SMS: variants seen among roughly 807,000 people sequenced by gnomAD.
SMS encodes spermine synthase.
SMS carries 3 observed loss-of-function variants against 33.0 expected under a neutral mutation model. That is an observed-to-expected ratio of 0.09 (90% confidence interval 0.04 to 0.23). SMS has a LOEUF of 0.23. Among genes scored for constraint, SMS ranks in the 10% least tolerant of loss-of-function variants. SMS has a pLI of 1.00. For missense variants in SMS, 117 were observed against 288.6 expected, an observed-to-expected ratio of 0.41 and a Z score of 4.31; for synonymous variants, 103 against 112.2, an observed-to-expected ratio of 0.92 and a Z score of 0.52.
At chrX:21,975,400 A>G (rs1285731023) in intron 4 of SMS, among the ~76,000 whole-genome samples, 5 of 112,118 alleles carry the variant, frequency 4.5e-5, no homozygotes, top group African/African-American at 1.6e-4. Flanking sequence ...CACAATTGAG[A>G]ACAGGCACTG....
chrX:21,989,248 C>T (rs1925594528), intron 9 of SMS, among the ~76,000 whole-genome samples: 1 of 110,811 alleles, frequency 9.0e-6, no homozygotes, highest in Non-Finnish European at 1.9e-5. Flanking sequence ...ACAGCCTGGG[C>T]AACATAGTGA....
chrX:21,990,568 T>G (rs1925688719), intron 9 of SMS, among the ~76,000 whole-genome samples: 1 of 112,875 alleles, frequency 8.9e-6, no homozygotes, highest in Non-Finnish European at 1.9e-5. Context: ...GTTACTTTTT[T>G]GGGGTAGGTG....
intron 1 of SMS, among the ~76,000 whole-genome samples, chrX:21,964,062 AT>A (rs372817561): frequency 0.13 from 12,121 of 94,798 alleles, 595 homozygotes; most frequent in Non-Finnish European, 0.15. Context: ...TTGAAATCAG[AT>A]TTTTTTTTTT....
At chrX:21,982,231 G>A (rs1179346325) in intron 7 of SMS, among the ~76,000 whole-genome samples, 2 of 107,506 alleles carry the variant, frequency 1.9e-5, no homozygotes, top group African/African-American at 3.4e-5. Context: ...TCAGCTACTC[G>A]GGAGGCTGAG....
intron 1 of SMS, among the ~76,000 whole-genome samples, chrX:21,965,246 G>A (rs776023545): frequency 8.9e-6 from 1 of 112,084 alleles, no homozygotes; most frequent in Non-Finnish European, 1.9e-5. Context: ...AGATTAAGAT[G>A]TGGATATATC....
chrX:21,944,544 A>AAAAAAAAAAAAAAGAAAAGAAAAG (rs1555992699), intron 1 of SMS, among the ~76,000 whole-genome samples: 3 of 99,054 alleles, frequency 3.0e-5, no homozygotes, highest in Admixed American at 2.7e-4. Context: ...AAAAAAAAAA[A>AAAAAAAAAAAAAAGAAAAGAAAAG]AGAAAAAAAA....
intron 1 of SMS, 37 bp downstream of exon 1, chrX:21,940,910 G>A (rs1265571383): frequency 2.4e-5 from 23 of 968,884 alleles, no homozygotes; most frequent in Non-Finnish European, 3.1e-5. Context: ...GGCCATCCCC[G>A]CCGCTCCCGC....
intron 1 of SMS, among the ~76,000 whole-genome samples, chrX:21,941,911 A>C (rs1309650372): frequency 1.1e-5 from 1 of 93,390 alleles, no homozygotes; most frequent in East Asian, 3.7e-4. Flanking sequence ...AAAAAAAAAA[A>C]AAAAAAAAAA....
rs1921746616 is a variant in SMS at position 21,941,263 on chromosome X, G to T, written c.49+390G>T. 2.6e-5 allele frequency: 4 copies of T among 155,324 alleles called. No homozygotes were observed. The South Asian group carries it at 3.4e-4, about 13-fold the overall frequency. 12.8% of individuals were successfully genotyped at this position (155,324 alleles called of 1,213,427 possible). A position where few individuals can be genotyped will look rare whatever the true frequency, so the allele number is the denominator to read the frequency against. On this transcript the variant is annotated intron_variant, in intron 1 of 10. Coordinates refer to ENST00000404933, the MANE Select transcript of SMS (RefSeq NM_004595.5). ...GCGGACCCCCCATGGGACGAGGGTT[G>T]CAGGGACTGCGGCGGAGCGAGGCGT...
chrX:21,980,772 G>A (rs893670428), intron 7 of SMS, among the ~76,000 whole-genome samples: 10 of 111,041 alleles, frequency 9.0e-5, no homozygotes, highest in African/African-American at 2.6e-4. Flanking sequence ...GGAAACTTAC[G>A]TAGGAAATTA....
At chrX:21,976,179 G>C (rs184948959) in intron 4 of SMS, among the ~76,000 whole-genome samples, 1 of 111,227 alleles carries the variant, frequency 9.0e-6, no homozygotes, top group African/African-American at 3.3e-5. Flanking sequence ...TGCAGCCTCT[G>C]TAGTAGTAAC....
At chrX:21,977,649 A>T (rs1924621147) in intron 5 of SMS, among the ~76,000 whole-genome samples, 1 of 111,584 alleles carries the variant, frequency 9.0e-6, no homozygotes, top group African/African-American at 3.3e-5. Flanking sequence ...TATTATTTTG[A>T]AGCAGCTCAC....
At chrX:21,963,527 T>A (rs1923500011) in intron 1 of SMS, among the ~76,000 whole-genome samples, 1 of 112,515 alleles carries the variant, frequency 8.9e-6, no homozygotes, top group Admixed American at 9.4e-5. Context: ...TTTCCTTCAG[T>A]TTGAAACCTG....
intron 1 of SMS, among the ~76,000 whole-genome samples, chrX:21,958,325 C>T (rs1313784508): frequency 8.9e-6 from 1 of 112,174 alleles, no homozygotes; most frequent in African/African-American, 3.2e-5. Context: ...CAGTTTCTTT[C>T]TTCTACGTGT....
At chrX:21,953,514 G>GA (rs1466162993) in intron 1 of SMS, among the ~76,000 whole-genome samples, 1 of 112,422 alleles carries the variant, frequency 8.9e-6, no homozygotes, top group Non-Finnish European at 1.9e-5. Context: ...ACTAGCCACA[G>GA]AAAAACAAGC....
At chrX:21,974,011 A>G (rs1296346243) in intron 4 of SMS, among the ~76,000 whole-genome samples, 2 of 112,833 alleles carry the variant, frequency 1.8e-5, no homozygotes, top group Admixed American at 1.9e-4. Flanking sequence ...GTGGATCCTC[A>G]TCAGGCCTTA....
intron 7 of SMS, among the ~76,000 whole-genome samples, chrX:21,982,336 C>CA (rs11430711): frequency 0.05 from 2,316 of 45,901 alleles, 125 homozygotes; most frequent in African/African-American, 0.15. Context: ...AGACTTGTCT[C>CA]AAAAAAAAAA....
At chrX:21,958,764 C>T (rs1337925902) in intron 1 of SMS, among the ~76,000 whole-genome samples, 1 of 112,739 alleles carries the variant, frequency 8.9e-6, no homozygotes, top group African/African-American at 3.2e-5. Flanking sequence ...GCAACCTCCG[C>T]CTCTCGGGTT....
chrX:21,990,207 G>A (rs1459579056), intron 9 of SMS, among the ~76,000 whole-genome samples: 1 of 112,421 alleles, frequency 8.9e-6, no homozygotes, highest in African/African-American at 3.2e-5. Flanking sequence ...GGCTAAGGCG[G>A]GAGGATTGCT....
Sources: gnomAD v4.1 joint callset for allele counts (sites outside exome capture counted in the v4.1 genomes callset) on GRCh38, gnomAD v4.1.1 for gene constraint, MANE v1.5 for transcripts, NCBI Gene and HGNC (gene_info 2026-07-23, HGNC 2026-07-21) for gene names.